The following AFG2A variants were observed in gnomAD, a reference collection of about 807,000 sequenced individuals.
AFG2A encodes ATPase family gene 2 protein homolog A.
At chr4:123,073,679 A>G in the AFG2A span, among the ~76,000 whole-genome samples, 1 of 152,190 alleles carries the variant, frequency 6.6e-6, no homozygotes, top group Admixed American at 6.5e-5. Flanking sequence ...AGGTTTCTTA[A>G]TCTTAGTAAT....
chr4:122,997,309 C>G, the AFG2A span, among the ~76,000 whole-genome samples: 10 of 152,300 alleles, frequency 6.6e-5, no homozygotes, highest in African/African-American at 2.4e-4. Context: ...CCTGTACTTA[C>G]TACCTCCCAA....
At chr4:123,298,428 G>A in the AFG2A span, among the ~76,000 whole-genome samples, 2 of 152,200 alleles carry the variant, frequency 1.3e-5, no homozygotes, top group Non-Finnish European at 2.9e-5. Context: ...CTTTCTTTAA[G>A]TTCAGTTCGA....
chr4:122,996,448 A>G, the AFG2A span, among the ~76,000 whole-genome samples: 1 of 152,080 alleles, frequency 6.6e-6, no homozygotes. Flanking sequence ...TTGCCTTTAC[A>G]TATGTATTAG....
chr4:123,290,145 G>T, the AFG2A span, among the ~76,000 whole-genome samples: 2 of 152,102 alleles, frequency 1.3e-5, no homozygotes, highest in African/African-American at 4.8e-5. Context: ...TCATTCTTCA[G>T]GATGTCTGTT....
At chr4:123,111,431 G>A in the AFG2A span, among the ~76,000 whole-genome samples, 17 of 152,208 alleles carry the variant, frequency 1.1e-4, no homozygotes, top group South Asian at 3.5e-3. Context: ...TGAAGATATT[G>A]GCATTTCTGA....
chr4:123,136,566 T>G, the AFG2A span, among the ~76,000 whole-genome samples: 6 of 151,514 alleles, frequency 4.0e-5, no homozygotes, highest in Non-Finnish European at 7.4e-5. Flanking sequence ...CCCAGCTACC[T>G]GGGAGGCTGA....
the AFG2A span, chr4:122,934,387 G>C: frequency 6.2e-7 from 1 of 1,614,082 alleles, no homozygotes; most frequent in Non-Finnish European, 8.5e-7. Flanking sequence ...TAAAGCCAGT[G>C]ATGTTTTGCT....
At chr4:123,145,793 G>A in the AFG2A span, among the ~76,000 whole-genome samples, 102,019 of 151,920 alleles carry the variant, frequency 0.67, 37,226 homozygotes, top group East Asian at 0.97. Flanking sequence ...AGAATAATAT[G>A]TCTACTTGAG....
the AFG2A span, among the ~76,000 whole-genome samples, chr4:123,242,402 C>T: frequency 2.0e-5 from 3 of 151,938 alleles, no homozygotes; most frequent in Non-Finnish European, 4.4e-5. Context: ...GTACTGGTAC[C>T]AAAACAGATA....
chr4:123,302,394 C>G, the AFG2A span, among the ~76,000 whole-genome samples: 1 of 152,286 alleles, frequency 6.6e-6, no homozygotes, highest in Middle Eastern at 3.4e-3. Flanking sequence ...AAATACAAAC[C>G]TCAACATAGG....
the AFG2A span, among the ~76,000 whole-genome samples, chr4:123,106,521 T>G: frequency 6.6e-6 from 1 of 152,204 alleles, no homozygotes; most frequent in Non-Finnish European, 1.5e-5. Flanking sequence ...AAAAAATTGT[T>G]TAATTCGGAA....
chr4:122,993,212 C>T, the AFG2A span, among the ~76,000 whole-genome samples: 4 of 151,822 alleles, frequency 2.6e-5, no homozygotes, highest in East Asian at 1.9e-4. Context: ...AGGCTGGTCT[C>T]GAACTCCTGA....
the AFG2A span, among the ~76,000 whole-genome samples, chr4:123,294,864 T>C: frequency 2.6e-5 from 4 of 152,234 alleles, no homozygotes; most frequent in Non-Finnish European, 2.9e-5. Context: ...CTATGGCATA[T>C]AAGTATATGA....
chr4:123,287,450 A>G, the AFG2A span, among the ~76,000 whole-genome samples: 1 of 152,226 alleles, frequency 6.6e-6, no homozygotes, highest in Non-Finnish European at 1.5e-5. Context: ...CCTAAGCAGT[A>G]TATACAATGT....
the AFG2A span, among the ~76,000 whole-genome samples, chr4:122,980,524 T>C: frequency 3.9e-5 from 6 of 152,198 alleles, no homozygotes; most frequent in Non-Finnish European, 7.4e-5. Context: ...TACCCAGTAG[T>C]AGGATTGCTG....
the AFG2A span, among the ~76,000 whole-genome samples, chr4:123,252,190 A>G: frequency 5.3e-5 from 8 of 152,318 alleles, no homozygotes; most frequent in South Asian, 2.1e-4. Context: ...TTATTTAACA[A>G]GAAAACCCTT....
chr4:123,095,676 A>T, the AFG2A span, among the ~76,000 whole-genome samples: 1 of 148,404 alleles, frequency 6.7e-6, no homozygotes, highest in Non-Finnish European at 1.5e-5. Flanking sequence ...ACGAAGAGTT[A>T]AAGTACATTT....
At chr4:123,064,568 A>G in the AFG2A span, among the ~76,000 whole-genome samples, 1 of 152,168 alleles carries the variant, frequency 6.6e-6, no homozygotes, top group Non-Finnish European at 1.5e-5. Context: ...CTGGGCAGTA[A>G]ATTATTAGTC....
chr4:123,176,948 G>A, the AFG2A span, among the ~76,000 whole-genome samples: 1 of 152,248 alleles, frequency 6.6e-6, no homozygotes, highest in South Asian at 2.1e-4. Flanking sequence ...GCATGTTGAT[G>A]CTGGTTAAAA....
Sources: allele counts gnomAD v4.1 joint callset (sites outside exome capture counted in the v4.1 genomes callset), GRCh38; gene constraint gnomAD v4.1.1; transcripts MANE v1.5; gene names NCBI Gene and HGNC (gene_info 2026-07-23, HGNC 2026-07-21).